Variants in LUZP2 observed in about 807,000 individuals in gnomAD.
LUZP2 encodes leucine zipper protein 2.
A neutral mutation model predicts 51.6 loss-of-function variants in LUZP2; 52 were observed. The observed-to-expected ratio is 1.01, with a 90% CI of 0.81 to 1.27. The LOEUF is 1.27. LUZP2 is among the 50% of genes most tolerant of loss of function. The pLI, the probability that LUZP2 is intolerant of heterozygous loss-of-function variation, is 0.00. For missense variants in LUZP2, 436 were observed against 395.4 expected (o/e 1.10, Z -0.87); for synonymous variants, 154 against 137.3 (o/e 1.12, Z -0.85).
intron 5 of LUZP2, among the ~76,000 whole-genome samples, chr11:24,787,125 G>C (rs1434176121): frequency 6.6e-6 from 1 of 152,032 alleles, no homozygotes; most frequent in African/African-American, 2.4e-5. Flanking sequence ...CAACAGCTAC[G>C]TTTGGGTACC....
rs73437126 is a variant in LUZP2, at chr11:24,703,420, G to A, written c.63-25749G>A. 2.6e-3 allele frequency among the ~76,000 whole-genome samples: 403 copies of A among 152,262 alleles called. 1 individual carries two copies. Among genetic ancestry groups the A allele is most frequent in the African/African-American group, 9.2e-3 (384 of 41,562 alleles). ...GTGATGTGGAGTTTGGAAGGGAAAC[G>A]TCAAGCCTGAATAGCCTGATTTTAG... is the stretch of plus-strand genomic sequence containing the variant. On this transcript the variant is annotated intron_variant, in intron 1 of 11. Transcript: ENST00000336930.
At chr11:24,715,395 C>A (rs1444097621) in intron 1 of LUZP2, among the ~76,000 whole-genome samples, 2 of 151,310 alleles carry the variant, frequency 1.3e-5, no homozygotes, top group African/African-American at 4.9e-5. Flanking sequence ...AATTTCTGAC[C>A]ATGCCCTTCA....
chr11:24,710,537 C>T (rs1857769946), intron 1 of LUZP2, among the ~76,000 whole-genome samples: 1 of 152,124 alleles, frequency 6.6e-6, no homozygotes, highest in African/African-American at 2.4e-5. Context: ...GGCTATTTTT[C>T]TCTGTGATTA....
At position 25,081,029 on chromosome 11, in the gene LUZP2, A is replaced by ATTTTTTTTTTTTTTTTTTTTTT. The variant is rs553696425; in HGVS notation, c.*2392_*2393insTTTTTTTTTTTTTTTTTTTTTT. Reference sequence around the variant, plus strand: ...ATCAAGTGGGCTTTGGATCCATATGATTTTTTTTTTTTTTTTTTTTTGAGA... The same window carrying ATTTTTTTTTTTTTTTTTTTTTT: ...ATCAAGTGGGCTTTGGATCCATATGATTTTTTTTTTTTTTTTTTTTTTTTTTTTTTTTTTTTTTTTTTTGAGA... On this transcript the variant is annotated 3_prime_UTR_variant, in exon 12 of 12. Coordinates refer to ENST00000336930, the MANE Select transcript of LUZP2 (RefSeq NM_001009909.4). 7.0e-5 allele frequency: 7 copies of ATTTTTTTTTTTTTTTTTTTTTT among 100,712 alleles called. No homozygotes were observed. The highest frequency in any genetic ancestry group is 2.8e-4 in the Admixed American group (2 of 7,140). 6.2% of individuals were successfully genotyped at this position (100,712 alleles called of 1,614,324 possible).
chr11:24,836,616 C>A (rs1850866609), intron 5 of LUZP2, among the ~76,000 whole-genome samples: 1 of 151,720 alleles, frequency 6.6e-6, no homozygotes, highest in South Asian at 2.1e-4. Context: ...ATAACTTGAA[C>A]CTTATCAAGA....
chr11:24,995,553 T>C (rs1376147642), intron 9 of LUZP2, among the ~76,000 whole-genome samples: 2 of 151,708 alleles, frequency 1.3e-5, no homozygotes, highest in Non-Finnish European at 2.9e-5. Context: ...TTGAAATTAT[T>C]TCATTTTGCT....
intron 9 of LUZP2, among the ~76,000 whole-genome samples, chr11:25,012,183 C>T (rs1424120711): frequency 6.6e-6 from 1 of 152,156 alleles, no homozygotes; most frequent in Non-Finnish European, 1.5e-5. Flanking sequence ...GTGACACTTT[C>T]CCAGGTCTCT....
chr11:24,732,974 C>G (rs947487717), intron 3 of LUZP2, among the ~76,000 whole-genome samples: 3 of 151,648 alleles, frequency 2.0e-5, no homozygotes. Flanking sequence ...CTGTCTTACC[C>G]TACAGCTCCA....
At chr11:24,921,899 C>T (rs889379918) in intron 7 of LUZP2, among the ~76,000 whole-genome samples, 2 of 151,868 alleles carry the variant, frequency 1.3e-5, no homozygotes, top group African/African-American at 2.4e-5. Context: ...TTCATTTGAC[C>T]CTCAACACAA....
intron 1 of LUZP2, among the ~76,000 whole-genome samples, chr11:24,562,679 C>G (rs868578912): frequency 2.7e-4 from 40 of 146,240 alleles, no homozygotes; most frequent in African/African-American, 8.9e-4. Flanking sequence ...TGGTGAAACC[C>G]CGTCTCTACT....
intron 1 of LUZP2, among the ~76,000 whole-genome samples, chr11:24,642,911 T>G (rs189319024): frequency 6.6e-6 from 1 of 152,002 alleles, no homozygotes; most frequent in African/African-American, 2.4e-5. Context: ...GAGTGGGAGA[T>G]TGTTGCTAAA....
intron 1 of LUZP2, among the ~76,000 whole-genome samples, chr11:24,605,970 T>G (rs1029434050): frequency 1.3e-5 from 2 of 151,908 alleles, no homozygotes; most frequent in Non-Finnish European, 2.9e-5. Flanking sequence ...TCTTTATATG[T>G]CTGACTTATC....
rs755246752 is a variant in LUZP2, at chr11:25,018,603, CTTTTTTTTTTTTT to C, written c.766-31424_766-31412del. Among the ~76,000 whole-genome samples the C allele has an allele frequency of 8.1e-4, 88 of 108,838 alleles. 1 individual carries two copies. Among genetic ancestry groups the C allele is most frequent in the African/African-American group, 3.5e-3 (87 of 24,918 alleles). The allele number at this position is 108,838 out of a possible 152,430, so 71.4% of individuals were successfully genotyped here. ...TACTATCATTATTAATTCCTTTTTC[CTTTTTTTTTTTTT>C]TTTTTTTTTTAAAGACACTCTCACT... On this transcript the variant is annotated intron_variant, in intron 9 of 11. Coordinates refer to ENST00000336930, the MANE Select transcript of LUZP2 (RefSeq NM_001009909.4).
At chr11:25,019,744 A>G (rs118087678) in intron 9 of LUZP2, among the ~76,000 whole-genome samples, 4,833 of 152,234 alleles carry the variant, frequency 0.032, 105 homozygotes, top group Non-Finnish European at 0.047. Flanking sequence ...AGATTTTATC[A>G]TGCACACTAT....
At chr11:24,860,051 G>A (rs1377069314) in intron 5 of LUZP2, among the ~76,000 whole-genome samples, 1 of 152,206 alleles carries the variant, frequency 6.6e-6, no homozygotes, top group African/African-American at 2.4e-5. Context: ...AACTCCCCGT[G>A]CAGGGGAAGG....
intron 1 of LUZP2, among the ~76,000 whole-genome samples, chr11:24,700,221 C>T (rs1172019064): frequency 6.6e-6 from 1 of 152,088 alleles, no homozygotes; most frequent in Non-Finnish European, 1.5e-5. Flanking sequence ...ACCACCATTC[C>T]TGGCAGATTA....
intron 3 of LUZP2, among the ~76,000 whole-genome samples, chr11:24,733,263 T>C (rs1858786449): frequency 6.6e-6 from 1 of 151,826 alleles, no homozygotes; most frequent in Non-Finnish European, 1.5e-5. Context: ...TAAAGTCTAA[T>C]ATTAAGAAAA....
At chr11:24,845,124 C>A (rs981000794) in intron 5 of LUZP2, among the ~76,000 whole-genome samples, 1 of 152,170 alleles carries the variant, frequency 6.6e-6, no homozygotes, top group African/African-American at 2.4e-5. Flanking sequence ...GCAGCAGACA[C>A]TCAATGCCAG....
chr11:24,850,379 G>T (rs1252995877), intron 5 of LUZP2, among the ~76,000 whole-genome samples: 1 of 152,120 alleles, frequency 6.6e-6, no homozygotes, highest in African/African-American at 2.4e-5. Context: ...ATTAAGTAGG[G>T]AATCCATTCC....
Sources: gnomAD v4.1 joint callset for allele counts (sites outside exome capture counted in the v4.1 genomes callset) on GRCh38, gnomAD v4.1.1 for gene constraint, MANE v1.5 for transcripts, NCBI Gene and HGNC (gene_info 2026-07-23, HGNC 2026-07-21) for gene names.